GTF2I: variants seen among roughly 807,000 people sequenced by gnomAD.
The protein encoded by GTF2I is general transcription factor II-I.
In GTF2I, 12 loss-of-function variants were observed where a neutral mutation model predicts 67.6. The ratio of observed to expected loss-of-function variants is 0.18; its 90% CI spans 0.11 to 0.29. The LOEUF (loss-of-function observed/expected upper bound fraction) is 0.29. GTF2I is among the 10% of genes least tolerant of loss of function. The pLI is 1.00. For missense variants in GTF2I, 271 were observed against 580.1 expected (o/e 0.47, Z 5.47); for synonymous variants, 149 against 197.0 (o/e 0.76, Z 2.04).
intron 1 of GTF2I, among the ~76,000 whole-genome samples, chr7:74,661,508 G>A (rs782365437): frequency 5.3e-5 from 8 of 151,870 alleles, no homozygotes; most frequent in Non-Finnish European, 1.0e-4. Flanking sequence ...GCGAAACCCC[G>A]TCTGTACTAA....
At chr7:74,692,075 C>CA (rs1788366916) in intron 3 of GTF2I, among the ~76,000 whole-genome samples, 1 of 134,218 alleles carries the variant, frequency 7.5e-6, no homozygotes, top group Non-Finnish European at 1.6e-5. Context: ...CCACTCTCGG[C>CA]TTTTTTTTTT....
chr7:74,707,349 T>A (rs1790872625), intron 8 of GTF2I, among the ~76,000 whole-genome samples: 1 of 152,180 alleles, frequency 6.6e-6, no homozygotes, highest in East Asian at 1.9e-4. Context: ...CATCTCCCTC[T>A]GTCTGACCAG....
At chr7:74,710,792 A>C (rs1179561058) in intron 8 of GTF2I, among the ~76,000 whole-genome samples, 1 of 152,234 alleles carries the variant, frequency 6.6e-6, no homozygotes, top group Non-Finnish European at 1.5e-5. Flanking sequence ...AATTTGCTGG[A>C]GAAAAGAGCA....
intron 12 of GTF2I, among the ~76,000 whole-genome samples, chr7:74,719,660 C>G (rs1792687403): frequency 6.6e-6 from 1 of 152,162 alleles, no homozygotes; most frequent in Non-Finnish European, 1.5e-5. Flanking sequence ...TGGCTCACAC[C>G]TGTAATCCCA....
intron 6 of GTF2I, among the ~76,000 whole-genome samples, chr7:74,701,888 G>C (rs1202753401): frequency 6.6e-6 from 1 of 152,202 alleles, no homozygotes; most frequent in Non-Finnish European, 1.5e-5. Flanking sequence ...CCCTGTCTCT[G>C]TTATTTCATG....
chr7:74,717,013 A>C, intron 11 of GTF2I, 63 bp downstream of exon 11: 2 of 1,547,744 alleles, frequency 1.3e-6, no homozygotes. Flanking sequence ...TATTTTATAG[A>C]TTCTATTATC....
intron 5 of GTF2I, 38 bp from the exon 6 acceptor site, chr7:74,700,568 A>G (rs1554399608): frequency 3.1e-6 from 5 of 1,611,928 alleles, no homozygotes; most frequent in Non-Finnish European, 4.2e-6. Context: ...AATTTTGCGT[A>G]TTCATACGAA....
At position 74,687,093 on chromosome 7, in the gene GTF2I, A is replaced by G. The variant is rs782348871; in HGVS notation, c.-5-2031A>G. The stretch of plus-strand genomic sequence containing the variant: ...TTTAGTAGAGACAGTGTTTCGCCAC[A>G]TTGCCCAGGATGGTCTCGAACTCCT... On this transcript the variant is annotated intron_variant, in intron 1 of 34. Transcript: ENST00000573035. Among the ~76,000 whole-genome samples, 4 of 151,794 alleles carry G rather than the reference A, an allele frequency of 2.6e-5. No homozygotes were observed. The East Asian group carries it at 5.8e-4, about 22-fold the overall frequency.
intron 3 of GTF2I, among the ~76,000 whole-genome samples, chr7:74,695,175 T>C (rs191125762): frequency 3.1e-4 from 47 of 152,276 alleles, no homozygotes; most frequent in Non-Finnish European, 5.7e-4. Context: ...TTGTTGCCCA[T>C]GCTGGAGTGC....
intron 1 of GTF2I, among the ~76,000 whole-genome samples, chr7:74,666,945 A>G (rs1554388776): frequency 6.6e-6 from 1 of 151,956 alleles, no homozygotes; most frequent in Non-Finnish European, 1.5e-5. Flanking sequence ...GCACCACTGC[A>G]CTCCAGCCTG....
chr7:74,712,738 A>G (rs1486669376), intron 9 of GTF2I, among the ~76,000 whole-genome samples: 2 of 143,318 alleles, frequency 1.4e-5, no homozygotes, highest in African/African-American at 2.6e-5. Context: ...ATCTCGGCTC[A>G]TTGCAACCTC....
At chr7:74,715,080 G>C in intron 10 of GTF2I, 164 bp downstream of exon 10, 1 of 433,120 alleles carries the variant, frequency 2.3e-6, no homozygotes. Context: ...AACTTCACAA[G>C]CAACAATTTT....
At chr7:74,658,821 TAAGCCGTCTGGGTTCAGCCAGCACCC>T (rs1804196720) in intron 1 of GTF2I, among the ~76,000 whole-genome samples, 1 of 151,970 alleles carries the variant, frequency 6.6e-6, no homozygotes, top group African/African-American at 2.4e-5. Flanking sequence ...CCATGAAAAT[TAAGCCGTCTGGGTTCAGCCAGCACCC>T]AGACGACGGG....
At chr7:74,674,187 A>C (rs868977371) in intron 1 of GTF2I, among the ~76,000 whole-genome samples, 8 of 150,556 alleles carry the variant, frequency 5.3e-5, no homozygotes, top group Admixed American at 2.0e-4. Flanking sequence ...CTCTTGCCTC[A>C]GGCTCCTGAG....
At chr7:74,753,539 TG>T (rs1795965586) in intron 29 of GTF2I, among the ~76,000 whole-genome samples, 3 of 144,300 alleles carry the variant, frequency 2.1e-5, no homozygotes. Context: ...CCGGGTATGG[TG>T]GTGCACACCT....
intron 18 of GTF2I, among the ~76,000 whole-genome samples, chr7:74,737,259 G>A (rs1327341869): frequency 1.3e-5 from 2 of 149,798 alleles, no homozygotes; most frequent in Non-Finnish European, 3.0e-5. Context: ...AAGGGAGAAG[G>A]CAAGGATGGC....
intron 1 of GTF2I, among the ~76,000 whole-genome samples, chr7:74,682,617 G>T (rs1250359094): frequency 6.6e-6 from 1 of 152,114 alleles, no homozygotes; most frequent in Non-Finnish European, 1.5e-5. Context: ...CTTCACCCTA[G>T]GCTTAAGATT....
rs375739451 is a variant in GTF2I at position 74,713,147 on chromosome 7, C to T, written c.764-1710C>T. On this transcript the variant is annotated intron_variant, in intron 9 of 34. Transcript: ENST00000573035. ...AAAATAATTTGAAAGTATAGTGATACGTGAAGGTATTTTGAGTAAATACCA... is the reference window on the plus strand; with the variant it reads ...AAAATAATTTGAAAGTATAGTGATATGTGAAGGTATTTTGAGTAAATACCA... Among the ~76,000 whole-genome samples the T allele has an allele frequency of 6.3e-4, 94 of 148,232 alleles. 3 individuals are homozygous for T. The South Asian group carries it at 0.02, about 31-fold the overall frequency.
intron 9 of GTF2I, among the ~76,000 whole-genome samples, chr7:74,712,449 G>A (rs1554402769): frequency 6.6e-6 from 1 of 150,450 alleles, no homozygotes; most frequent in African/African-American, 2.5e-5. Flanking sequence ...TGTCCTTCCT[G>A]ATGGTGATGT....
Sources: allele counts gnomAD v4.1 joint callset (sites outside exome capture counted in the v4.1 genomes callset), GRCh38; gene constraint gnomAD v4.1.1; transcripts MANE v1.5; gene names NCBI Gene and HGNC (gene_info 2026-07-23, HGNC 2026-07-21).